Variants in HTR2C observed in about 807,000 individuals in gnomAD.
HTR2C encodes the protein 5-hydroxytryptamine receptor 2C.
A neutral mutation model predicts 21.0 loss-of-function variants in HTR2C; 5 were observed. The ratio of observed to expected loss-of-function variants is 0.24; its 90% confidence interval spans 0.12 to 0.50. The LOEUF is 0.50. Ranked by LOEUF, HTR2C falls within the 20% of genes least tolerant of loss-of-function variation. The pLI is 0.98. For missense variants in HTR2C, 271 were observed against 371.2 expected (o/e 0.73, Z 2.22); for synonymous variants, 150 against 145.3 (o/e 1.03, Z -0.23).
Position 114,887,165 on chromosome X carries a change from T to C in HTR2C, c.551-19424T>C, listed in dbSNP as rs782304781. Among the ~76,000 whole-genome samples the C allele has an allele frequency of 2.4e-4, 27 of 112,227 alleles. 1 individual carries two copies. Among genetic ancestry groups the C allele is most frequent in the Admixed American group, 1.7e-3 (18 of 10,558 alleles). On this transcript the variant is annotated intron_variant, in intron 5 of 5. Coordinates refer to ENST00000276198, the MANE Select transcript of HTR2C (RefSeq NM_000868.4). ...TGTCTACAAAGATTAATAACAAGAA[T>C]GATGCCAGTCTGAGGTTAGACAGGT...
chrX:114,761,890 T>TGTATATATACAC (rs2069873569), intron 4 of HTR2C, among the ~76,000 whole-genome samples: 2 of 107,740 alleles, frequency 1.9e-5, no homozygotes, highest in Admixed American at 9.8e-5. Flanking sequence ...TATATATATG[T>TGTATATATACAC]GTATATATAC....
intron 4 of HTR2C, among the ~76,000 whole-genome samples, chrX:114,781,561 C>T (rs372982083): frequency 1.8e-5 from 2 of 109,256 alleles, no homozygotes; most frequent in Non-Finnish European, 3.8e-5. Flanking sequence ...AGTGCAGTGG[C>T]GTGATCACAG....
At chrX:114,727,780 T>C (rs893703898) in intron 3 of HTR2C, among the ~76,000 whole-genome samples, 11 of 111,962 alleles carry the variant, frequency 9.8e-5, no homozygotes, top group African/African-American at 3.6e-4. Flanking sequence ...TTGGATCCTC[T>C]GCAGTGTGCA....
At chrX:114,666,143 A>G (rs782618174) in intron 2 of HTR2C, among the ~76,000 whole-genome samples, 8 of 112,047 alleles carry the variant, frequency 7.1e-5, no homozygotes, top group Admixed American at 1.9e-4. Context: ...GTGCTGCTGA[A>G]GAAAGATCCA....
intron 5 of HTR2C, among the ~76,000 whole-genome samples, chrX:114,869,963 T>C (rs1264108252): frequency 1.8e-5 from 2 of 112,296 alleles, no homozygotes; most frequent in Non-Finnish European, 3.8e-5. Context: ...ATGTATCACA[T>C]TGATTGATTT....
chrX:114,833,612 T>C (rs1352233449), intron 4 of HTR2C, among the ~76,000 whole-genome samples: 1 of 110,184 alleles, frequency 9.1e-6, no homozygotes, highest in Non-Finnish European at 1.9e-5. Context: ...TTAGTCTTGC[T>C]AGCAGTCTAT....
At chrX:114,724,450 G>A (rs1933362745) in intron 2 of HTR2C, among the ~76,000 whole-genome samples, 1 of 100,557 alleles carries the variant, frequency 9.9e-6, no homozygotes, top group Admixed American at 1.1e-4. Flanking sequence ...ACACACTGAT[G>A]GGTCTTGACT....
intron 2 of HTR2C, among the ~76,000 whole-genome samples, chrX:114,707,169 A>G (rs1932788998): frequency 8.9e-6 from 1 of 111,948 alleles, no homozygotes; most frequent in African/African-American, 3.2e-5. Flanking sequence ...TTGAAGAACT[A>G]ATTTAAGTGC....
intron 2 of HTR2C, among the ~76,000 whole-genome samples, chrX:114,658,594 G>C (rs1930869513): frequency 1.8e-5 from 2 of 111,160 alleles, no homozygotes. Context: ...GTATGAAAAT[G>C]TCTACCTTGT....
At chrX:114,647,082 G>C (rs1287055641) in intron 2 of HTR2C, among the ~76,000 whole-genome samples, 1 of 111,201 alleles carries the variant, frequency 9.0e-6, no homozygotes, top group Non-Finnish European at 1.9e-5. Flanking sequence ...TGAGTGGGGA[G>C]GAAGGTGAAC....
In HTR2C at chrX:114,907,878, C is replaced by A; in HGVS notation, c.*463C>A. 5.4e-4 allele frequency: 65 copies of A among 119,886 alleles called. No homozygotes were observed. The highest frequency in any genetic ancestry group is 2.2e-3 in the South Asian group (7 of 3,219). 9.9% of individuals were successfully genotyped at this position (119,886 alleles called of 1,213,427 possible). On this transcript the variant is annotated 3_prime_UTR_variant, in exon 6 of 6. Transcript: ENST00000276198. ...AGTAAATATACACTTTACATTCTTG[C>A]TCTGCTCATCTACACATATAAACAC...
intron 5 of HTR2C, among the ~76,000 whole-genome samples, chrX:114,896,985 T>C (rs1463162163): frequency 1.8e-5 from 2 of 111,706 alleles, no homozygotes; most frequent in Admixed American, 9.6e-5. Flanking sequence ...TTAGTTCCTT[T>C]ATTGACTTTT....
chrX:114,589,914 G>A lies in HTR2C; in HGVS notation c.-147+5255G>A, dbSNP rs113765857. 5.5e-3 allele frequency: 1,520 copies of A among 276,082 alleles called. 8 individuals are homozygous for A. Among genetic ancestry groups the A allele is most frequent in the Non-Finnish European group, 7.9e-3 (1,197 of 151,045 alleles). 22.8% of individuals were successfully genotyped at this position (276,082 alleles called of 1,213,427 possible). On this transcript the variant is annotated intron_variant, in intron 1 of 5. Coordinates refer to ENST00000276198, the MANE Select transcript of HTR2C (RefSeq NM_000868.4). The stretch of plus-strand genomic sequence containing the variant: ...AACTGGGAAGAGATAAGAAGAGAAA[G>A]GTCCAAGTGATCCATTTCTAAGTGT...
chrX:114,698,089 C>T (rs1404457840), intron 2 of HTR2C, among the ~76,000 whole-genome samples: 1 of 112,385 alleles, frequency 8.9e-6, no homozygotes, highest in South Asian at 3.7e-4. Context: ...CTACAGGCAA[C>T]CCACATTTCT....
At chrX:114,756,358 G>C (rs1376823145) in intron 4 of HTR2C, among the ~76,000 whole-genome samples, 2 of 111,391 alleles carry the variant, frequency 1.8e-5, no homozygotes, top group African/African-American at 6.5e-5. Flanking sequence ...TTTTATCCCA[G>C]AGAAATGAAG....
At chrX:114,905,884 A>G (rs1346639601) in intron 5 of HTR2C, among the ~76,000 whole-genome samples, 2 of 111,475 alleles carry the variant, frequency 1.8e-5, no homozygotes, top group Non-Finnish European at 3.8e-5. Flanking sequence ...CAGTATTCTT[A>G]AAACAAAAAT....
Position 114,637,855 on chromosome X carries a change from T to C in HTR2C, c.-80+23974T>C, listed in dbSNP as rs1169530765. ...TAAACAGGCAATGGGAAGGCTTCGT[T>C]TTTTGCAATTGAAAAAAAAGCAAAA... is the stretch of plus-strand genomic sequence containing the variant. On this transcript the variant is annotated intron_variant, in intron 2 of 5. Coordinates refer to ENST00000276198, the MANE Select transcript of HTR2C (RefSeq NM_000868.4). Among the ~76,000 whole-genome samples the C allele has an allele frequency of 3.6e-5, 4 of 111,326 alleles. No homozygotes were observed. The South Asian group carries it at 1.5e-3, about 42-fold the overall frequency.
intron 4 of HTR2C, among the ~76,000 whole-genome samples, chrX:114,761,510 T>C (rs1268895270): frequency 9.0e-6 from 1 of 111,462 alleles, no homozygotes; most frequent in Non-Finnish European, 1.9e-5. Flanking sequence ...ACATTAAAAA[T>C]AATTATCATT....
At chrX:114,795,281 C>T (rs782521173) in intron 4 of HTR2C, among the ~76,000 whole-genome samples, 2 of 110,170 alleles carry the variant, frequency 1.8e-5, no homozygotes, top group East Asian at 2.9e-4. Flanking sequence ...GTCAGATGAG[C>T]AGGTTGCAAA....
Sources: gnomAD v4.1 joint callset for allele counts (sites outside exome capture counted in the v4.1 genomes callset) on GRCh38, gnomAD v4.1.1 for gene constraint, MANE v1.5 for transcripts, NCBI Gene and HGNC (gene_info 2026-07-23, HGNC 2026-07-21) for gene names.